The following THOC5 variants were observed in gnomAD, a reference collection of about 807,000 sequenced individuals.
The protein encoded by THOC5 is THO complex subunit 5.
THOC5 carries 43 observed loss-of-function variants against 92.9 expected under a neutral mutation model. The observed-to-expected ratio is 0.46, with a 90% CI of 0.36 to 0.60. THOC5 has a LOEUF of 0.60. Among genes scored for constraint, THOC5 ranks in the 20% least tolerant of loss-of-function variants. The pLI is 0.00. For missense variants in THOC5, 659 were observed against 849.4 expected (o/e 0.78, Z 2.79); for synonymous variants, 296 against 320.1 (o/e 0.92, Z 0.80).
intron 7 of THOC5, chr22:29,535,261 C>CAAAAAA (rs572658824): frequency 1.7e-5 from 1 of 58,934 alleles, no homozygotes; most frequent in African/African-American, 7.0e-5. Context: ...ACTCTGTCTC[C>CAAAAAA]AAAAAAAAAA....
At chr22:29,527,952 A>G in intron 11 of THOC5, 126 bp downstream of exon 11, 1 of 820,226 alleles carries the variant, frequency 1.2e-6, no homozygotes, top group East Asian at 2.6e-5. Flanking sequence ...AAGGAAAAAC[A>G]AAGCAATATG....
intron 19 of THOC5, among the ~76,000 whole-genome samples, chr22:29,510,167 G>A (rs1457760383): frequency 6.6e-6 from 1 of 151,944 alleles, no homozygotes; most frequent in Non-Finnish European, 1.5e-5. Flanking sequence ...GAAGTGCCAT[G>A]AGCCCAGACA....
chr22:29,551,710 C>G (rs1317629686), intron 1 of THOC5, among the ~76,000 whole-genome samples: 1 of 152,122 alleles, frequency 6.6e-6, no homozygotes, highest in South Asian at 2.1e-4. Flanking sequence ...ATGATCGCGC[C>G]ACTGCACTCA....
intron 2 of THOC5, among the ~76,000 whole-genome samples, chr22:29,546,828 G>C (rs1326027902): frequency 6.7e-6 from 1 of 149,732 alleles, no homozygotes; most frequent in Admixed American, 6.7e-5. Flanking sequence ...GCTTTTAACA[G>C]TACCCAAGTC....
chr22:29,549,931 C>A (rs903114166), intron 1 of THOC5, among the ~76,000 whole-genome samples: 2 of 152,046 alleles, frequency 1.3e-5, no homozygotes, highest in Non-Finnish European at 2.9e-5. Context: ...TCCCCAAAGC[C>A]CTCTTTTGGC....
At chr22:29,543,042 G>C in intron 4 of THOC5, 86 bp from the exon 5 acceptor site, 1 of 980,298 alleles carries the variant, frequency 1.0e-6, no homozygotes, top group Non-Finnish European at 1.6e-6. Context: ...AAGGTGTAAA[G>C]GGAATAAAGA....
Position 29,508,204 on chromosome 22 carries a change from C to T in THOC5, c.*253G>A. 1.3e-5 allele frequency: 7 copies of T among 537,590 alleles called. No individual in the cohort carries two copies. The highest frequency in any genetic ancestry group is 2.3e-5 in the Non-Finnish European group (7 of 301,882). The allele number at this position is 537,590 out of a possible 1,614,324, so 33.3% of individuals were successfully genotyped here. ...TGCAGAATTGGAATCTTTTTCCACT[C>T]TGCTTTTATTGGCTGCTGAGAAAAA... is the stretch of plus-strand genomic sequence containing the variant. On this transcript the variant is annotated 3_prime_UTR_variant, in exon 20 of 20. Coordinates refer to ENST00000490103, the MANE Select transcript of THOC5 (RefSeq NM_003678.5).
chr22:29,548,219 T>C (rs888954894), intron 2 of THOC5, among the ~76,000 whole-genome samples: 1 of 151,956 alleles, frequency 6.6e-6, no homozygotes, highest in Non-Finnish European at 1.5e-5. Context: ...TCCCAGTAAA[T>C]ACAGATCTCA....
rs373118502 is a variant in THOC5 at position 29,531,883 on chromosome 22, C to T, written c.795G>A (p.Pro265=). The T allele has an allele frequency of 5.0e-5, 81 of 1,613,986 alleles. No homozygotes were observed. In the Middle Eastern group the frequency reaches 8.2e-4, roughly 16 times the overall value. The stretch of plus-strand genomic sequence containing the variant: ...GAACAAAGAGGACATAGAGGGGAGG[C>T]GGCAGGTGTCTGGCTGTCTCATACT... ...HKQYETARHL[P]PPLYVLFVQA... is the part of the protein sequence containing the mutation. Residue 265 remains proline, a synonymous_variant, in exon 8 of 20, where the codon CCG becomes CCA. Coordinates refer to ENST00000490103, the MANE Select transcript of THOC5 (RefSeq NM_003678.5).
At chr22:29,549,685 A>G (rs1274186465) in intron 1 of THOC5, among the ~76,000 whole-genome samples, 21 of 152,154 alleles carry the variant, frequency 1.4e-4, no homozygotes, top group Non-Finnish European at 3.1e-4. Context: ...CTGACTTGTC[A>G]TAAAGACCCT....
chr22:29,509,835 C>T (rs2063190931), intron 19 of THOC5, among the ~76,000 whole-genome samples: 1 of 141,824 alleles, frequency 7.1e-6, no homozygotes, highest in African/African-American at 2.6e-5. Flanking sequence ...AGAGGTAAGG[C>T]ACTGCTTAGA....
intron 19 of THOC5, among the ~76,000 whole-genome samples, chr22:29,508,963 A>G (rs1297545905): frequency 6.6e-6 from 1 of 151,882 alleles, no homozygotes; most frequent in East Asian, 1.9e-4. Flanking sequence ...GCCCGGGTTT[A>G]GGTTGAGGTT....
In THOC5 at chr22:29,536,644, G is replaced by T; in HGVS notation, c.694C>A (p.Arg232Ser). Residue 232 changes from arginine to serine, a missense_variant, in exon 7 of 20, where the codon CGC (arginine) becomes AGC (serine). Physicochemically the swap from Arg to Ser is moderately radical, Grantham distance 110. Transcript: ENST00000490103. ...CCCACCTGCATGATGCTGTTGAGGC[G>T]GGGCTGGAGGCTGCTCAGGTACTCC... is the stretch of plus-strand genomic sequence containing the variant. ...KKEYLSSLQP[R>S]LNSIMQASLP... 1 of 1,611,876 alleles carries T rather than the reference G, an allele frequency of 6.2e-7. No individual in the cohort carries two copies. Among genetic ancestry groups the T allele is most frequent in the Non-Finnish European group, 8.5e-7 (1 of 1,177,908 alleles).
rs974548679 is a variant in THOC5 at position 29,526,534 on chromosome 22, GA to G, written c.1067-589del. Among the ~76,000 whole-genome samples, 212 of 144,358 alleles carry G rather than the reference GA, an allele frequency of 1.5e-3. 5 individuals are homozygous for G. The highest frequency in any genetic ancestry group is 0.01 in the Admixed American group (146 of 14,500). 94.7% of individuals were successfully genotyped at this position (144,358 alleles called of 152,430 possible). A position where few individuals can be genotyped will look rare whatever the true frequency, so the allele number is the denominator to read the frequency against. On this transcript the variant is annotated intron_variant, in intron 11 of 19. Transcript: ENST00000490103. ...GCAACAGAGCGAGACTCTGTCTCAAGAAAAAAAAAAATCACAACAGTAATAT... is the reference window on the plus strand; with the variant it reads ...GCAACAGAGCGAGACTCTGTCTCAAGAAAAAAAAAATCACAACAGTAATAT...
Position 29,528,042 on chromosome 22 carries a change from C to T in THOC5, c.1066+36G>A, listed in dbSNP as rs771819574. ...CTGCAGCTGGGTGAACTCTTAGGTG[C>T]TACAGATCCCTTAAACAAGGTGAGT... On this transcript the variant is annotated intron_variant, in intron 11 of 19. Transcript: ENST00000490103. 4.4e-6 allele frequency: 7 copies of T among 1,608,702 alleles called. No homozygotes were observed. The South Asian group carries it at 6.6e-5, about 15-fold the overall frequency.
chr22:29,528,243 C>A, intron 10 of THOC5, 66 bp from the exon 11 acceptor site: 1 of 1,614,006 alleles, frequency 6.2e-7, no homozygotes, highest in Non-Finnish European at 8.5e-7. Flanking sequence ...CCTCTCCCAA[C>A]CAGCCAGGCC....
At chr22:29,517,427 T>C in intron 15 of THOC5, 61 bp from the exon 16 acceptor site, 1 of 1,452,500 alleles carries the variant, frequency 6.9e-7, no homozygotes, top group Non-Finnish European at 9.6e-7. Flanking sequence ...GATGGGTAAC[T>C]AGCATCCTCC....
At chr22:29,527,967 G>T in intron 11 of THOC5, 111 bp downstream of exon 11, 2 of 916,386 alleles carry the variant, frequency 2.2e-6, no homozygotes, top group South Asian at 3.1e-5. Flanking sequence ...AATATGAAAT[G>T]GGAATCCTTT....
chr22:29,526,772 C>T (rs1173447442), intron 11 of THOC5, among the ~76,000 whole-genome samples: 6 of 152,040 alleles, frequency 3.9e-5, no homozygotes, highest in Admixed American at 6.6e-5. Flanking sequence ...GACATGATAG[C>T]GACGACCTCA....
Sources: allele counts gnomAD v4.1 joint callset (sites outside exome capture counted in the v4.1 genomes callset), GRCh38; gene constraint gnomAD v4.1.1; transcripts MANE v1.5; gene names NCBI Gene and HGNC (gene_info 2026-07-23, HGNC 2026-07-21).